MTUS2: variants seen among roughly 807,000 people sequenced by gnomAD.
MTUS2 encodes microtubule-associated tumor suppressor candidate 2.
MTUS2 carries 40 observed loss-of-function variants against 114.1 expected under a neutral mutation model. The observed-to-expected ratio is 0.35, with a 90% CI of 0.27 to 0.46. MTUS2 has a LOEUF of 0.46. MTUS2 is among the 20% of genes least tolerant of loss of function. The pLI is 1.00. For synonymous variants in MTUS2, 688 were observed against 672.0 expected (o/e 1.02, Z -0.37); for missense variants, 1,679 against 1,705.4 (o/e 0.98, Z 0.27).
rs536290055 is a variant in MTUS2 at position 29,022,240 on chromosome 13, C to T, written c.-242-2217C>T. Among the ~76,000 whole-genome samples the T allele has an allele frequency of 4.1e-4, 63 of 152,128 alleles. 1 individual carries two copies. Among genetic ancestry groups the T allele is most frequent in the Non-Finnish European group, 6.9e-4 (47 of 68,000 alleles). On this transcript the variant is annotated intron_variant, in intron 2 of 15. Transcript: ENST00000612955. ...AAAAGTTTACATGCTTATGTATAGA[C>T]GCAAAAGAAAAGAGATCTCTAAGTT...
intron 5 of MTUS2, among the ~76,000 whole-genome samples, chr13:29,272,852 CT>C (rs1174420675): frequency 6.6e-6 from 1 of 152,194 alleles, no homozygotes; most frequent in African/African-American, 2.4e-5. Flanking sequence ...AGAACAGAAA[CT>C]TACTTTCTCA....
intron 5 of MTUS2, among the ~76,000 whole-genome samples, chr13:29,190,227 G>C (rs1463490688): frequency 6.6e-6 from 1 of 152,188 alleles, no homozygotes; most frequent in Admixed American, 6.5e-5. Flanking sequence ...AAATAACATA[G>C]CTAATACCTA....
chr13:28,907,349 G>A (rs892912386), intron 2 of MTUS2, among the ~76,000 whole-genome samples: 10 of 151,470 alleles, frequency 6.6e-5, no homozygotes, highest in Admixed American at 5.9e-4. Flanking sequence ...ATCAACTATC[G>A]AGCAAAATAA....
intron 5 of MTUS2, among the ~76,000 whole-genome samples, chr13:29,129,782 C>A (rs1194121742): frequency 1.3e-5 from 2 of 152,104 alleles, no homozygotes; most frequent in African/African-American, 2.4e-5. Context: ...CTTGGTACTT[C>A]AGTATGGTGT....
intron 5 of MTUS2, among the ~76,000 whole-genome samples, chr13:29,178,969 T>C (rs1893887208): frequency 6.6e-6 from 1 of 152,182 alleles, no homozygotes; most frequent in Non-Finnish European, 1.5e-5. Flanking sequence ...AGTGCAGTGA[T>C]ATGTGAACTC....
At chr13:29,029,921 T>G (rs1376166099) in intron 3 of MTUS2, among the ~76,000 whole-genome samples, 1 of 152,132 alleles carries the variant, frequency 6.6e-6, no homozygotes, top group East Asian at 1.9e-4. Flanking sequence ...AGACCCCACC[T>G]CCAACATTGG....
intron 6 of MTUS2, among the ~76,000 whole-genome samples, chr13:29,288,406 G>A (rs1453641052): frequency 1.3e-5 from 2 of 152,162 alleles, no homozygotes; most frequent in Non-Finnish European, 2.9e-5. Flanking sequence ...TGGAAGCCAT[G>A]AGCTCAGACT....
chr13:28,893,972 T>C (rs561895633), intron 2 of MTUS2, among the ~76,000 whole-genome samples: 213 of 152,158 alleles, frequency 1.4e-3, no homozygotes, highest in African/African-American at 4.4e-3. Context: ...CTTTGTTTTA[T>C]AGTGATGGGC....
At chr13:29,175,010 T>G (rs1893712669) in intron 5 of MTUS2, among the ~76,000 whole-genome samples, 1 of 152,172 alleles carries the variant, frequency 6.6e-6, no homozygotes, top group Non-Finnish European at 1.5e-5. Flanking sequence ...TGTTCGTAAA[T>G]CAAATGAATA....
At chr13:28,966,746 A>C (rs906581198) in intron 2 of MTUS2, among the ~76,000 whole-genome samples, 26 of 144,380 alleles carry the variant, frequency 1.8e-4, no homozygotes, top group African/African-American at 6.1e-4. Context: ...AAAAAAAAAA[A>C]AACAAAGAAC....
chr13:29,040,403 A>G (rs1212489878), intron 4 of MTUS2, among the ~76,000 whole-genome samples: 1 of 152,114 alleles, frequency 6.6e-6, no homozygotes, highest in Non-Finnish European at 1.5e-5. Context: ...TATTTTTGCA[A>G]TTGCGAATTC....
At chr13:29,455,134 T>G (rs1879010296) in intron 9 of MTUS2, among the ~76,000 whole-genome samples, 1 of 151,962 alleles carries the variant, frequency 6.6e-6, no homozygotes, top group African/African-American at 2.4e-5. Context: ...AACACCAGAG[T>G]ACAGGGCAAT....
chr13:29,383,252 G>GTGTGTATATATATATTTATTTATTTATT (rs5802519), intron 8 of MTUS2, among the ~76,000 whole-genome samples: 19 of 135,962 alleles, frequency 1.4e-4, no homozygotes, highest in Admixed American at 5.2e-4. Context: ...GTGTGTGTGT[G>GTGTGTATATATATATTTATTTATTTATT]TATTTATTTT....
At chr13:29,435,961 A>G (rs1877378117) in intron 8 of MTUS2, among the ~76,000 whole-genome samples, 1 of 152,224 alleles carries the variant, frequency 6.6e-6, no homozygotes, top group Non-Finnish European at 1.5e-5. Flanking sequence ...CAGAAGTTAT[A>G]GCCCAAGTAA....
intron 2 of MTUS2, among the ~76,000 whole-genome samples, chr13:28,991,891 G>GGT (rs1273121999): frequency 5.9e-5 from 9 of 152,126 alleles, no homozygotes; most frequent in African/African-American, 1.9e-4. Flanking sequence ...GGGTTTCTTA[G>GGT]GATCAGCCAG....
intron 5 of MTUS2, among the ~76,000 whole-genome samples, chr13:29,271,358 G>T (rs576498567): frequency 1.3e-5 from 2 of 152,124 alleles, no homozygotes; most frequent in African/African-American, 4.8e-5. Flanking sequence ...TTTTCCTCCC[G>T]AATTTTACTC....
At chr13:29,156,629 G>A (rs1348577744) in intron 5 of MTUS2, among the ~76,000 whole-genome samples, 1 of 152,124 alleles carries the variant, frequency 6.6e-6, no homozygotes. Flanking sequence ...TTGTGGCAAC[G>A]TATCCCCTGC....
chr13:28,934,329 A>T (rs1351713405), intron 2 of MTUS2, among the ~76,000 whole-genome samples: 2 of 152,018 alleles, frequency 1.3e-5, no homozygotes, highest in African/African-American at 4.8e-5. Context: ...GTCTGGTTCC[A>T]GTTAATACTT....
intron 4 of MTUS2, among the ~76,000 whole-genome samples, chr13:29,076,597 C>T (rs1889203452): frequency 6.6e-6 from 1 of 152,170 alleles, no homozygotes; most frequent in Admixed American, 6.5e-5. Flanking sequence ...TGTTGGCAGG[C>T]CTCAGTTCCT....
Sources: gnomAD v4.1 joint callset for allele counts (sites outside exome capture counted in the v4.1 genomes callset) on GRCh38, gnomAD v4.1.1 for gene constraint, MANE v1.5 for transcripts, NCBI Gene and HGNC (gene_info 2026-07-23, HGNC 2026-07-21) for gene names.